Variants in MYO1B observed in about 807,000 individuals in gnomAD.
MYO1B encodes unconventional myosin-Ib.
MYO1B carries 72 observed loss-of-function variants against 159.7 expected under a neutral mutation model. That is an observed-to-expected ratio of 0.45 (90% CI 0.37 to 0.55). The LOEUF is 0.55. Ranked by LOEUF, MYO1B falls within the 20% of genes least tolerant of loss-of-function variation. MYO1B has a pLI of 0.00. For synonymous variants in MYO1B, 468 were observed against 473.8 expected, an observed-to-expected ratio of 0.99 and a Z score of 0.16; for missense variants, 1,062 against 1,364.8, an observed-to-expected ratio of 0.78 and a Z score of 3.50.
In MYO1B at chr2:191,424,142, T is replaced by A. The variant is rs1698110099; in HGVS notation, c.*182T>A. 1 of 675,504 alleles carries A rather than the reference T, an allele frequency of 1.5e-6. No homozygotes were observed. The highest frequency in any genetic ancestry group is 2.2e-5 in the South Asian group (1 of 45,030). The allele number at this position is 675,504 out of a possible 1,614,324, so 41.8% of individuals were successfully genotyped here. The stretch of plus-strand genomic sequence containing the variant: ...GAATAGTTTTAACCTTTCAAATACA[T>A]GTTCTGTCCTGGAGCAGGATTGTAG... On this transcript the variant is annotated 3_prime_UTR_variant, in exon 31 of 31. Coordinates refer to ENST00000392318, the MANE Select transcript of MYO1B (RefSeq NM_001130158.3).
intron 5 of MYO1B, among the ~76,000 whole-genome samples, chr2:191,343,635 A>G (rs182280702): frequency 1.3e-5 from 2 of 152,148 alleles, no homozygotes; most frequent in African/African-American, 2.4e-5. Flanking sequence ...TTGGGGTGCT[A>G]TACATTTGCT....
intron 5 of MYO1B, among the ~76,000 whole-genome samples, chr2:191,343,282 G>A (rs775522811): frequency 3.3e-5 from 5 of 152,126 alleles, no homozygotes; most frequent in Non-Finnish European, 5.9e-5. Context: ...ACTGCTTTGG[G>A]GTAGTTTTTT....
At chr2:191,290,030 C>A (rs1026139369) in intron 2 of MYO1B, among the ~76,000 whole-genome samples, 1 of 152,148 alleles carries the variant, frequency 6.6e-6, no homozygotes, top group Non-Finnish European at 1.5e-5. Context: ...GGTTAGATAT[C>A]ATTCTAAAAT....
chr2:191,416,052 C>A, intron 29 of MYO1B, 63 bp from the exon 30 acceptor site: 9 of 1,540,644 alleles, frequency 5.8e-6, no homozygotes, highest in Non-Finnish European at 5.3e-6. Flanking sequence ...TTTAGCCAAG[C>A]CTGTAAATAT....
chr2:191,345,049 A>AT (rs1692480294), intron 5 of MYO1B, among the ~76,000 whole-genome samples: 1 of 152,080 alleles, frequency 6.6e-6, no homozygotes. Flanking sequence ...TCCCTGTTTA[A>AT]TTTGAAGAAG....
At chr2:191,317,746 A>G (rs1366472260) in intron 3 of MYO1B, among the ~76,000 whole-genome samples, 1 of 152,192 alleles carries the variant, frequency 6.6e-6, no homozygotes, top group Non-Finnish European at 1.5e-5. Flanking sequence ...CAAATAACCC[A>G]AATGAAAAAT....
chr2:191,335,599 A>T (rs1005430403), intron 4 of MYO1B, among the ~76,000 whole-genome samples: 1 of 152,180 alleles, frequency 6.6e-6, no homozygotes, highest in Non-Finnish European at 1.5e-5. Flanking sequence ...GTTTTTGTGT[A>T]CATGTGTTCA....
chr2:191,336,478 C>T (rs938662322), intron 4 of MYO1B, among the ~76,000 whole-genome samples: 11 of 152,098 alleles, frequency 7.2e-5, no homozygotes, highest in Non-Finnish European at 1.3e-4. Context: ...CCTCTCCATC[C>T]GTGTGTTTAA....
chr2:191,281,099 A>G (rs1245260371), intron 2 of MYO1B, among the ~76,000 whole-genome samples: 5 of 152,198 alleles, frequency 3.3e-5, no homozygotes, highest in Admixed American at 2.6e-4. Context: ...GTTGTTTTGA[A>G]CTAATATACC....
chr2:191,273,140 A>T (rs975196895), intron 1 of MYO1B, among the ~76,000 whole-genome samples: 1 of 152,062 alleles, frequency 6.6e-6, no homozygotes, highest in African/African-American at 2.4e-5. Context: ...TTCTTTTGAG[A>T]CAGGGTCTCA....
At chr2:191,250,703 C>T (rs1342873692) in intron 1 of MYO1B, among the ~76,000 whole-genome samples, 1 of 152,190 alleles carries the variant, frequency 6.6e-6, no homozygotes, top group East Asian at 1.9e-4. Context: ...ATTTCCTTCT[C>T]ATCACTATCC....
At chr2:191,419,306 C>T (rs1211534050) in intron 30 of MYO1B, among the ~76,000 whole-genome samples, 1 of 152,058 alleles carries the variant, frequency 6.6e-6, no homozygotes, top group Non-Finnish European at 1.5e-5. Flanking sequence ...GCAAGCTCCG[C>T]CTCCTGGGTT....
At chr2:191,308,562 C>T (rs1355701958) in intron 3 of MYO1B, among the ~76,000 whole-genome samples, 2 of 152,124 alleles carry the variant, frequency 1.3e-5, no homozygotes, top group Admixed American at 6.5e-5. Flanking sequence ...TTTCTTTCTT[C>T]TTCCATTCCC....
chr2:191,324,061 C>T (rs2125902209), intron 3 of MYO1B, among the ~76,000 whole-genome samples: 1 of 152,030 alleles, frequency 6.6e-6, no homozygotes, highest in Non-Finnish European at 1.5e-5. Flanking sequence ...AAGTGCAGTG[C>T]CTTAAAAAAA....
intron 3 of MYO1B, among the ~76,000 whole-genome samples, chr2:191,308,618 A>G (rs780459015): frequency 1.3e-5 from 2 of 152,118 alleles, no homozygotes; most frequent in Non-Finnish European, 2.9e-5. Flanking sequence ...CACATCTCCT[A>G]GCTACCATGC....
At chr2:191,301,792 G>T (rs936118885) in intron 3 of MYO1B, among the ~76,000 whole-genome samples, 32 of 152,306 alleles carry the variant, frequency 2.1e-4, no homozygotes, top group Non-Finnish European at 3.7e-4. Context: ...AGATATTTTA[G>T]TTACCAAATC....
intron 3 of MYO1B, among the ~76,000 whole-genome samples, chr2:191,321,674 T>C (rs1574422766): frequency 1.3e-5 from 2 of 152,308 alleles, no homozygotes; most frequent in South Asian, 4.1e-4. Flanking sequence ...CCCAGCCTCT[T>C]TCCTTGCATA....
intron 7 of MYO1B, among the ~76,000 whole-genome samples, chr2:191,359,347 C>G (rs1223005297): frequency 3.7e-5 from 5 of 133,378 alleles, no homozygotes; most frequent in South Asian, 2.4e-4. Flanking sequence ...AAATATGAAG[C>G]CTTCATTATT....
At chr2:191,384,905 G>A (rs1295747780) in intron 15 of MYO1B, among the ~76,000 whole-genome samples, 1 of 152,176 alleles carries the variant, frequency 6.6e-6, no homozygotes, top group African/African-American at 2.4e-5. Context: ...AATAATGTTT[G>A]TTCTGGGGAT....
Sources: allele counts gnomAD v4.1 joint callset (sites outside exome capture counted in the v4.1 genomes callset), GRCh38; gene constraint gnomAD v4.1.1; transcripts MANE v1.5; gene names NCBI Gene and HGNC (gene_info 2026-07-23, HGNC 2026-07-21).